The following TBC1D5 variants were observed in gnomAD, a reference collection of about 807,000 sequenced individuals.
The protein encoded by TBC1D5 is TBC1 domain family member 5, also known as TBC1 domain family, member 5.
Under a neutral mutation model 100.3 loss-of-function variants are expected in TBC1D5, and 75 were observed. The observed-to-expected ratio is 0.75, with a 90% CI of 0.62 to 0.91. TBC1D5 has a LOEUF of 0.91. Among genes scored for constraint, TBC1D5 ranks in the 40% least tolerant of loss-of-function variants. The pLI is 0.00. For synonymous variants in TBC1D5, 323 were observed against 325.6 expected (o/e 0.99, Z 0.09); for missense variants, 910 against 942.4 (o/e 0.97, Z 0.45).
rs932208711 is a variant in TBC1D5 at position 17,333,396 on chromosome 3, G to A, written c.996-25262C>T. ...CATGAGAACAAACCAGTTAATGATGGTTAATAAAACTATAAGATTAGTGGC... is the reference window on the plus strand; with the variant it reads ...CATGAGAACAAACCAGTTAATGATGATTAATAAAACTATAAGATTAGTGGC... On this transcript the variant is annotated intron_variant, in intron 13 of 21. Transcript: ENST00000253692. The A allele has an allele frequency of 2.0e-5, 3 of 152,182 alleles. No homozygotes were observed. In the South Asian group the frequency reaches 6.2e-4, roughly 32 times the overall value. 9.4% of individuals were successfully genotyped at this position (152,182 alleles called of 1,614,324 possible). A position where few individuals can be genotyped will look rare whatever the true frequency, so the allele number is the denominator to read the frequency against.
At chr3:17,419,570 G>A (rs555844752) in intron 4 of TBC1D5, among the ~76,000 whole-genome samples, 9 of 152,270 alleles carry the variant, frequency 5.9e-5, no homozygotes, top group African/African-American at 1.2e-4. Flanking sequence ...CATGTTGCTC[G>A]CCTCCCTGAA....
At chr3:17,724,723 C>T (rs544347434) in intron 1 of TBC1D5, among the ~76,000 whole-genome samples, 4 of 152,208 alleles carry the variant, frequency 2.6e-5, no homozygotes, top group African/African-American at 9.6e-5. Context: ...TTATTTTTCC[C>T]TTCTGCTCTT....
At chr3:17,433,132 G>A (rs1334687432) in intron 3 of TBC1D5, among the ~76,000 whole-genome samples, 1 of 152,020 alleles carries the variant, frequency 6.6e-6, no homozygotes. Flanking sequence ...AGGGTACCAT[G>A]TTAGCAAATT....
intron 19 of TBC1D5, among the ~76,000 whole-genome samples, chr3:17,170,041 C>T (rs1025626032): frequency 1.4e-4 from 21 of 152,230 alleles, no homozygotes; most frequent in African/African-American, 4.3e-4. Context: ...TCACGTGCCC[C>T]TCACCTCCTG....
intron 3 of TBC1D5, among the ~76,000 whole-genome samples, chr3:17,505,990 T>C (rs1237564011): frequency 6.6e-6 from 1 of 152,180 alleles, no homozygotes; most frequent in South Asian, 2.1e-4. Flanking sequence ...TAATAGAACC[T>C]ATGACAAGAA....
chr3:17,472,134 GT>G (rs1005415597), intron 3 of TBC1D5, among the ~76,000 whole-genome samples: 116 of 145,246 alleles, frequency 8.0e-4, no homozygotes, highest in Non-Finnish European at 1.5e-3. Flanking sequence ...TATGAAAGGA[GT>G]TTTTTTTTTC....
chr3:17,609,395 C>A (rs1339141635), intron 2 of TBC1D5, among the ~76,000 whole-genome samples: 1 of 152,158 alleles, frequency 6.6e-6, no homozygotes, highest in Non-Finnish European at 1.5e-5. Flanking sequence ...CTTCCCCAAG[C>A]CTTTATACTC....
chr3:17,227,837 G>A (rs1401964240), intron 17 of TBC1D5, among the ~76,000 whole-genome samples: 2 of 148,448 alleles, frequency 1.3e-5, no homozygotes, highest in East Asian at 3.9e-4. Flanking sequence ...ATGTACCACT[G>A]AACCTAAAAT....
chr3:17,609,782 A>C (rs534453687), intron 2 of TBC1D5, among the ~76,000 whole-genome samples: 1 of 152,304 alleles, frequency 6.6e-6, no homozygotes, highest in South Asian at 2.1e-4. Context: ...CACAGCCTAA[A>C]AGGACTTCTC....
chr3:17,371,094 C>T lies in TBC1D5; in HGVS notation c.995+981G>A, dbSNP rs190417984. ...ACACACACACACACACACACACACA[C>T]ATGCACACCCACCCCTAAGGAGTGA... On this transcript the variant is annotated intron_variant, in intron 13 of 21. Coordinates refer to ENST00000253692, the Ensembl canonical transcript of TBC1D5. 2.5e-3 allele frequency among the ~76,000 whole-genome samples: 376 copies of T among 151,824 alleles called. 6 individuals are homozygous for T. Among genetic ancestry groups the T allele is most frequent in the East Asian group, 6.4e-3 (33 of 5,166 alleles).
intron 3 of TBC1D5, among the ~76,000 whole-genome samples, chr3:17,469,687 T>G (rs1462361455): frequency 1.3e-5 from 2 of 152,260 alleles, no homozygotes; most frequent in East Asian, 3.8e-4. Flanking sequence ...TTTACATGCA[T>G]ATTTATCAGC....
At chr3:17,422,332 T>C (rs2094227896) in intron 4 of TBC1D5, among the ~76,000 whole-genome samples, 3 of 151,810 alleles carry the variant, frequency 2.0e-5, no homozygotes, top group African/African-American at 2.4e-5. Context: ...CCACACTGGC[T>C]AATTTTGTTT....
chr3:17,352,311 T>C (rs1016427083), intron 13 of TBC1D5, among the ~76,000 whole-genome samples: 1 of 152,086 alleles, frequency 6.6e-6, no homozygotes, highest in Non-Finnish European at 1.5e-5. Context: ...AAATAAAAAA[T>C]ACCTTTTATT....
At chr3:17,614,210 AT>A (rs1252174483) in intron 2 of TBC1D5, among the ~76,000 whole-genome samples, 1 of 152,026 alleles carries the variant, frequency 6.6e-6, no homozygotes, top group African/African-American at 2.4e-5. Flanking sequence ...GTGTGGTGTT[AT>A]TTCTGAGGCC....
In TBC1D5 at chr3:17,633,651, T is replaced by C. The variant is rs1048023014; in HGVS notation, c.-100-9738A>G. ...TACCCTTAAAGAGGTCGGCATTTTG[T>C]TATGCTTAAGAGAGTGTAGAATAAT... On this transcript the variant is annotated intron_variant, in intron 1 of 21. Coordinates refer to ENST00000253692, the Ensembl canonical transcript of TBC1D5. Among the ~76,000 whole-genome samples, 6 of 152,308 alleles carry C rather than the reference T, an allele frequency of 3.9e-5. No individual in the cohort carries two copies. In the East Asian group the frequency reaches 9.6e-4, roughly 24 times the overall value.
intron 2 of TBC1D5, among the ~76,000 whole-genome samples, chr3:17,567,571 A>G (rs1324581115): frequency 6.6e-6 from 1 of 151,746 alleles, no homozygotes; most frequent in Non-Finnish European, 1.5e-5. Context: ...GAATACATTA[A>G]TACAGATATG....
At chr3:17,559,557 T>C (rs571025347) in intron 2 of TBC1D5, among the ~76,000 whole-genome samples, 1 of 152,182 alleles carries the variant, frequency 6.6e-6, no homozygotes, top group East Asian at 1.9e-4. Context: ...TGTGAGAATG[T>C]GGAATTCACA....
intron 2 of TBC1D5, chr3:17,524,838 T>C (rs1293165491): frequency 1.3e-5 from 2 of 152,060 alleles, no homozygotes; most frequent in Non-Finnish European, 2.9e-5. Flanking sequence ...CACTACAGCC[T>C]GAGTGACAAG....
At chr3:17,349,392 AC>A in intron 13 of TBC1D5, among the ~76,000 whole-genome samples, 1 of 152,338 alleles carries the variant, frequency 6.6e-6, no homozygotes, top group Non-Finnish European at 1.5e-5. Flanking sequence ...TCACTGGTAT[AC>A]ATTATTCTGA....
Sources: gnomAD v4.1 joint callset for allele counts (sites outside exome capture counted in the v4.1 genomes callset) on GRCh38, gnomAD v4.1.1 for gene constraint, MANE v1.5 for transcripts, NCBI Gene and HGNC (gene_info 2026-07-23, HGNC 2026-07-21) for gene names.